GTF2IRD1: variants seen among roughly 807,000 people sequenced by gnomAD.
GTF2IRD1 encodes general transcription factor II-I repeat domain-containing protein 1.
A neutral mutation model predicts 113.2 loss-of-function variants in GTF2IRD1; 26 were observed. That is an observed-to-expected ratio of 0.23 (90% CI 0.17 to 0.32). The LOEUF (loss-of-function observed/expected upper bound fraction) is 0.32. Ranked by LOEUF, GTF2IRD1 falls within the 10% of genes least tolerant of loss-of-function variation. The probability of loss-of-function intolerance (pLI) is 1.00; values close to 1 mark genes in which losing one functional copy is unlikely to be tolerated. For synonymous variants in GTF2IRD1, 484 were observed against 529.1 expected (o/e 0.91, Z 1.17); for missense variants, 864 against 1,280.8 (o/e 0.67, Z 4.97).
intron 22 of GTF2IRD1, among the ~76,000 whole-genome samples, chr7:74,565,933 A>G (rs1800278738): frequency 6.6e-6 from 1 of 151,952 alleles, no homozygotes; most frequent in Non-Finnish European, 1.5e-5. Flanking sequence ...GCAGCGAGCT[A>G]TGATCACAAA....
At chr7:74,552,240 A>G (rs1245358843) in intron 17 of GTF2IRD1, among the ~76,000 whole-genome samples, 5 of 152,038 alleles carry the variant, frequency 3.3e-5, no homozygotes, top group Admixed American at 6.6e-5. Context: ...AAAATAGGCC[A>G]GGAGAGGTGG....
In GTF2IRD1 at chr7:74,602,521, C is replaced by T; in HGVS notation, c.*88C>T. 1.8e-6 allele frequency: 2 copies of T among 1,090,972 alleles called. No homozygotes were observed. The highest frequency in any genetic ancestry group is 1.6e-5 in the African/African-American group (1 of 64,024). 67.6% of individuals were successfully genotyped at this position (1,090,972 alleles called of 1,614,324 possible). ...ATGTATATTCGGATATGTATCGATG[C>T]CTTTTAGTTTTTCCAATGATTTTTA... On this transcript the variant is annotated 3_prime_UTR_variant, in exon 27 of 27. Transcript: ENST00000424337.
At chr7:74,500,883 C>T (rs1795994139) in intron 1 of GTF2IRD1, among the ~76,000 whole-genome samples, 1 of 152,078 alleles carries the variant, frequency 6.6e-6, no homozygotes, top group African/African-American at 2.4e-5. Context: ...ACCACCACAC[C>T]TGGCTAATTT....
intron 8 of GTF2IRD1, among the ~76,000 whole-genome samples, chr7:74,524,789 T>C (rs1797504922): frequency 6.6e-6 from 1 of 152,100 alleles, no homozygotes; most frequent in South Asian, 2.1e-4. Context: ...CACTGGAACC[T>C]AGGAGGTGCA....
At chr7:74,521,086 T>G in intron 6 of GTF2IRD1, 122 bp from the exon 7 acceptor site, 2 of 616,022 alleles carry the variant, frequency 3.2e-6, no homozygotes, top group Non-Finnish European at 5.8e-6. Context: ...CAGGAATCAG[T>G]TATTGGATGT....
chr7:74,474,527 T>C (rs554112853), intron 1 of GTF2IRD1, among the ~76,000 whole-genome samples: 1 of 152,298 alleles, frequency 6.6e-6, no homozygotes, highest in East Asian at 1.9e-4. Flanking sequence ...CAGGGGACAT[T>C]GTAGGGGTGC....
intron 22 of GTF2IRD1, among the ~76,000 whole-genome samples, chr7:74,568,244 G>A (rs1451635248): frequency 1.4e-5 from 2 of 146,458 alleles, no homozygotes; most frequent in African/African-American, 5.1e-5. Context: ...GGTGGCTCAC[G>A]CCTGTAATCC....
intron 14 of GTF2IRD1, among the ~76,000 whole-genome samples, chr7:74,543,872 C>CA (rs782039486): frequency 0.17 from 5,775 of 34,494 alleles, 504 homozygotes; most frequent in African/African-American, 0.28. Context: ...CCCATCTCTA[C>CA]AAAAAAAAAA....
intron 17 of GTF2IRD1, among the ~76,000 whole-genome samples, 153 bp downstream of exon 17, chr7:74,547,439 CTTTTTT>C (rs782144976): frequency 9.0e-6 from 1 of 111,186 alleles, no homozygotes; most frequent in African/African-American, 3.6e-5. Flanking sequence ...CATGCCCAGC[CTTTTTT>C]TTTTTTTTTT....
chr7:74,547,420 G>A (rs1799008971), intron 17 of GTF2IRD1, 134 bp downstream of exon 17: 3 of 617,214 alleles, frequency 4.9e-6, no homozygotes, highest in South Asian at 3.8e-5. Flanking sequence ...GGTGTGAGGT[G>A]TGTGCCACCA....
At chr7:74,564,919 T>C (rs1398676697) in intron 22 of GTF2IRD1, among the ~76,000 whole-genome samples, 2 of 152,092 alleles carry the variant, frequency 1.3e-5, no homozygotes, top group Admixed American at 1.3e-4. Context: ...TACTTGGACT[T>C]GGACCAAGCC....
At chr7:74,490,127 T>G (rs1243544503) in intron 1 of GTF2IRD1, among the ~76,000 whole-genome samples, 3 of 152,098 alleles carry the variant, frequency 2.0e-5, no homozygotes, top group Non-Finnish European at 4.4e-5. Context: ...CCACCACACC[T>G]GGCTAACTTT....
chr7:74,500,889 A>G (rs1250880813), intron 1 of GTF2IRD1, among the ~76,000 whole-genome samples: 1 of 151,728 alleles, frequency 6.6e-6, no homozygotes, highest in Non-Finnish European at 1.5e-5. Context: ...ACACCTGGCT[A>G]ATTTTTTTTA....
At chr7:74,509,697 G>A (rs1034868534) in intron 2 of GTF2IRD1, among the ~76,000 whole-genome samples, 3 of 151,818 alleles carry the variant, frequency 2.0e-5, no homozygotes, top group Non-Finnish European at 4.4e-5. Context: ...TTTTTGAGAC[G>A]GAGTTTCGCT....
chr7:74,513,115 C>A, intron 3 of GTF2IRD1, 144 bp downstream of exon 3: 2 of 779,430 alleles, frequency 2.6e-6, no homozygotes, highest in South Asian at 1.8e-5. Context: ...TCTGAGATTC[C>A]CGATGTGGTG....
chr7:74,496,618 GT>G (rs1554338110), intron 1 of GTF2IRD1, among the ~76,000 whole-genome samples: 4 of 149,308 alleles, frequency 2.7e-5, no homozygotes, highest in East Asian at 2.0e-4. Flanking sequence ...GTATGTGGGT[GT>G]GCGTGTGGGT....
chr7:74,472,740 G>A (rs1406165507), intron 1 of GTF2IRD1, among the ~76,000 whole-genome samples: 1 of 152,162 alleles, frequency 6.6e-6, no homozygotes, highest in African/African-American at 2.4e-5. Flanking sequence ...CAACAAGAGC[G>A]AAACTCTGCC....
chr7:74,557,957 C>G (rs1554357691), intron 20 of GTF2IRD1, among the ~76,000 whole-genome samples: 1 of 152,130 alleles, frequency 6.6e-6, no homozygotes, highest in Non-Finnish European at 1.5e-5. Flanking sequence ...GTGAGATACA[C>G]TTTCAAGAAC....
rs1411614314 is a variant in GTF2IRD1, at chr7:74,539,891, C to T, written c.1541C>T (p.Thr514Ile). 3 of 1,612,170 alleles carry T rather than the reference C, an allele frequency of 1.9e-6. No individual in the cohort carries two copies. The highest frequency in any genetic ancestry group is 2.7e-5 in the African/African-American group (2 of 74,852). ...IQVTVPDPSP[T>I]SEEMTDSMPG... ...GTTTTGTCTTCAGACCCCTCGCCAA[C>T]CTCTGAGGAAATGACAGACTCGATG... The change falls in exon 14 of 27, where the codon ACC (threonine) becomes ATC (isoleucine). Residue 514 changes from threonine to isoleucine, a missense_variant. Thr to Ile is a moderately conservative substitution (Grantham distance 89). Transcript: ENST00000424337.
Sources: allele counts gnomAD v4.1 joint callset (sites outside exome capture counted in the v4.1 genomes callset), GRCh38; gene constraint gnomAD v4.1.1; transcripts MANE v1.5; gene names NCBI Gene and HGNC (gene_info 2026-07-23, HGNC 2026-07-21).